The following PI4K2A variants were observed in gnomAD, a reference collection of about 807,000 sequenced individuals.
The protein encoded by PI4K2A is phosphatidylinositol 4-kinase type 2 alpha.
Under a neutral mutation model 55.0 loss-of-function variants are expected in PI4K2A, and 20 were observed. That is an observed-to-expected ratio of 0.36 (90% confidence interval 0.26 to 0.53). PI4K2A has a LOEUF of 0.53. PI4K2A is among the 20% of genes least tolerant of loss of function. PI4K2A has a pLI of 0.91. For missense variants in PI4K2A, 463 were observed against 637.1 expected, an observed-to-expected ratio of 0.73 and a Z score of 2.94; for synonymous variants, 235 against 258.5, an observed-to-expected ratio of 0.91 and a Z score of 0.87.
rs768001477 is a variant in PI4K2A, at chr10:97,656,845, G to A, written c.793G>A (p.Glu265Lys). ...GGTTGGTTCATTCCAGCTCTTTGTT[G>A]AAGGCTACAAAGATGCAGACTATTG... Residue 265 changes from glutamate (E) to lysine (K), a missense_variant, in exon 4 of 9, where the codon GAA becomes AAA. Transcript: ENST00000370631. The surrounding 1 kb of genome is among the most constrained non-coding windows in gnomAD (Gnocchi z 4.5). 21 of 1,613,976 alleles carry A rather than the reference G, an allele frequency of 1.3e-5. No homozygotes were observed. Among genetic ancestry groups the A allele is most frequent in the Non-Finnish European group, 1.6e-5 (19 of 1,180,016 alleles).
At position 97,670,279 on chromosome 10, in the gene PI4K2A, T is replaced by C. The variant is rs572048061; in HGVS notation, c.1278+3159T>C. 3.9e-5 allele frequency among the ~76,000 whole-genome samples: 6 copies of C among 152,364 alleles called. No homozygotes were observed. In the East Asian group the frequency reaches 9.6e-4, roughly 24 times the overall value. On this transcript the variant is annotated intron_variant, in intron 8 of 8. Coordinates refer to ENST00000370631, the Ensembl canonical transcript of PI4K2A. ...TTCTTCAAATTTAAAAAATAATTTT[T>C]CTTTTTAAATTCTTTATTCTCCTTT...
In PI4K2A at chr10:97,641,147, CG is replaced by C; in HGVS notation, c.407del (p.Gly136GlufsTer78). The C allele has an allele frequency of 6.2e-7, 1 of 1,606,504 alleles. No individual in the cohort carries two copies. The highest frequency in any genetic ancestry group is 8.5e-7 in the Non-Finnish European group (1 of 1,178,160). On this transcript the variant is annotated frameshift_variant, in exon 1 of 9. Coordinates refer to ENST00000370631, the Ensembl canonical transcript of PI4K2A. LOFTEE classifies it high-confidence loss of function. The stretch of plus-strand genomic sequence containing the variant: ...CCGAGCGCATCTACCAGGGCTCCAG[CG>C]GAAGCTACTTCGTCAAGGACCCTCA...
chr10:97,671,866 C>T (rs1193391259), intron 8 of PI4K2A, among the ~76,000 whole-genome samples: 2 of 151,908 alleles, frequency 1.3e-5, no homozygotes, highest in African/African-American at 2.4e-5. Context: ...TAGAGACAGG[C>T]TGATCTCAAA....
At position 97,650,143 on chromosome 10, in the gene PI4K2A, T is replaced by G. The variant is rs141462756; in HGVS notation, c.436-798T>G. ...GTGATAAGTTAATTCCTCATTTTTT[T>G]GGGGGAAAGATTACTTTAGAGCCCT... is the stretch of plus-strand genomic sequence containing the variant. On this transcript the variant is annotated intron_variant, in intron 1 of 8. Coordinates refer to ENST00000370631, the Ensembl canonical transcript of PI4K2A. 8.5e-3 allele frequency among the ~76,000 whole-genome samples: 1,297 copies of G among 152,206 alleles called. 20 individuals are homozygous for G. The highest frequency in any genetic ancestry group is 0.028 in the African/African-American group (1,175 of 41,540).
chr10:97,665,349 A>G (rs2041604694), intron 6 of PI4K2A, among the ~76,000 whole-genome samples: 2 of 151,676 alleles, frequency 1.3e-5, no homozygotes, highest in Admixed American at 1.3e-4. Context: ...ATCTGGGCCC[A>G]CTGCAACCTC....
At chr10:97,662,398 G>T (rs893957647) in intron 4 of PI4K2A, among the ~76,000 whole-genome samples, 6 of 152,162 alleles carry the variant, frequency 3.9e-5, no homozygotes, top group Admixed American at 3.3e-4. Context: ...TCTGGAGGAA[G>T]ATTTCTTTTG....
chr10:97,660,002 C>CTTTTTTTT (rs1206693622), intron 4 of PI4K2A, among the ~76,000 whole-genome samples: 2 of 137,870 alleles, frequency 1.5e-5, no homozygotes, highest in East Asian at 2.1e-4. Flanking sequence ...TCTTTCTTTT[C>CTTTTTTTT]TTTTTTTTTT....
chr10:97,641,434 C>CGGTGTGGTGG (rs2041469057), intron 1 of PI4K2A, among the ~76,000 whole-genome samples: 1 of 152,132 alleles, frequency 6.6e-6, no homozygotes. Context: ...GGGGGCTCAG[C>CGGTGTGGTGG]GGTGTGGTGG....
At chr10:97,650,278 C>CTT (rs71007356) in intron 1 of PI4K2A, among the ~76,000 whole-genome samples, 4 of 108,112 alleles carry the variant, frequency 3.7e-5, no homozygotes, top group African/African-American at 4.1e-5. Context: ...GCTTCTGTAC[C>CTT]TTTTTTTTTT....
In PI4K2A at chr10:97,653,496, G is replaced by T. The variant is rs546119114; in HGVS notation, c.636+2355G>T. On this transcript the variant is annotated intron_variant, in intron 2 of 8. Transcript: ENST00000370631. ...ATGTTAGCCTGTGATATTTTTATCA[G>T]CTATTCTAATCGTTAGTGTCACCCC... Among the ~76,000 whole-genome samples, 4 of 152,348 alleles carry T rather than the reference G, an allele frequency of 2.6e-5. No individual in the cohort carries two copies. The South Asian group carries it at 6.2e-4, about 24-fold the overall frequency.
At chr10:97,662,806 A>G in intron 4 of PI4K2A, 101 bp from the exon 5 acceptor site, 1 of 781,848 alleles carries the variant, frequency 1.3e-6, no homozygotes, top group Non-Finnish European at 2.3e-6. Flanking sequence ...AGTCATTCTC[A>G]GTAGAAGCGT....
chr10:97,664,871 T>C lies in PI4K2A; in HGVS notation c.985-14T>C. 1.3e-6 allele frequency: 2 copies of C among 1,597,800 alleles called. No individual in the cohort carries two copies. The highest frequency in any genetic ancestry group is 1.7e-6 in the Non-Finnish European group (2 of 1,165,266). On this transcript the variant is annotated splice_polypyrimidine_tract_variant and intron_variant, in intron 5 of 8. Transcript: ENST00000370631. ...ATGGGTTTCCTCAGTCATTAGTCTT[T>C]CCTTGCTCTTCAGGACACAGACTGG...
intron 8 of PI4K2A, 75 bp from the exon 9 acceptor site, chr10:97,673,506 C>G (rs1267198803): frequency 7.8e-7 from 1 of 1,285,404 alleles, no homozygotes; most frequent in Non-Finnish European, 1.1e-6. Context: ...GGCGTCCTCT[C>G]TACTGATCTC....
chr10:97,665,061 G>A, intron 6 of PI4K2A, 77 bp downstream of exon 6: 1 of 854,030 alleles, frequency 1.2e-6, no homozygotes, highest in Non-Finnish European at 1.9e-6. Flanking sequence ...AGATGATAAT[G>A]TCTCTATCAT....
At chr10:97,674,588 G>A (rs1020462924) in exon 9 of PI4K2A, 8 of 152,208 alleles carry the variant, frequency 5.3e-5, no homozygotes, top group African/African-American at 1.7e-4. Flanking sequence ...TGGTCTATGG[G>A]TGAACATATC....
intron 8 of PI4K2A, among the ~76,000 whole-genome samples, chr10:97,671,936 G>T (rs1564777823): frequency 6.6e-6 from 1 of 152,098 alleles, no homozygotes; most frequent in Non-Finnish European, 1.5e-5. Context: ...TTACAGGCAT[G>T]AGCTACCACG....
chr10:97,667,930 A>T (rs900346967), intron 8 of PI4K2A, among the ~76,000 whole-genome samples: 1 of 152,254 alleles, frequency 6.6e-6, no homozygotes, highest in Non-Finnish European at 1.5e-5. Flanking sequence ...AAGCACTCAC[A>T]TATTGATTAT....
chr10:97,658,741 G>A (rs2041567417), intron 4 of PI4K2A, among the ~76,000 whole-genome samples: 2 of 152,140 alleles, frequency 1.3e-5, no homozygotes, highest in Admixed American at 6.6e-5. Context: ...GCATTCTGCT[G>A]AATGTTTTCT....
At chr10:97,643,148 G>A (rs1175114091) in intron 1 of PI4K2A, among the ~76,000 whole-genome samples, 4 of 151,206 alleles carry the variant, frequency 2.6e-5, no homozygotes, top group Admixed American at 6.6e-5. Context: ...CACCACACCC[G>A]GCTAAAAATT....
Sources: gnomAD v4.1 joint callset for allele counts (sites outside exome capture counted in the v4.1 genomes callset) on GRCh38, gnomAD v4.1.1 for gene constraint, Gnocchi (gnomAD v3.1) non-coding constraint, MANE v1.5 for transcripts, NCBI Gene and HGNC (gene_info 2026-07-23, HGNC 2026-07-21) for gene names.